Variants in SYNJ2 observed in about 807,000 individuals in gnomAD.
SYNJ2 encodes the protein polyphosphatidylinositol phosphatase SYNJ2.
Under a neutral mutation model 141.3 loss-of-function variants are expected in SYNJ2, and 116 were observed. That is an observed-to-expected ratio of 0.82 (90% CI 0.71 to 0.96). The LOEUF (loss-of-function observed/expected upper bound fraction) is 0.96, where lower values mean the gene tolerates loss of function less well. Ranked by LOEUF, SYNJ2 falls within the 40% of genes least tolerant of loss-of-function variation. SYNJ2 has a pLI of 0.00. For synonymous variants in SYNJ2, 745 were observed against 777.7 expected (o/e 0.96, Z 0.70); for missense variants, 1,873 against 1,934.8 (o/e 0.97, Z 0.60).
chr6:158,036,481 T>A (rs951018442), intron 4 of SYNJ2, among the ~76,000 whole-genome samples: 2 of 152,200 alleles, frequency 1.3e-5, no homozygotes, highest in African/African-American at 4.8e-5. Flanking sequence ...CGGATGCAGC[T>A]GGAGGCCATT....
At chr6:158,034,684 A>C (rs1304511924) in intron 4 of SYNJ2, among the ~76,000 whole-genome samples, 1 of 152,242 alleles carries the variant, frequency 6.6e-6, no homozygotes, top group Non-Finnish European at 1.5e-5. Flanking sequence ...GTGGATATCA[A>C]CGAGGCTATT....
intron 18 of SYNJ2, 71 bp downstream of exon 18, chr6:158,078,352 T>G (rs1782457071): frequency 9.9e-7 from 1 of 1,007,094 alleles, no homozygotes. Context: ...CGCAGGAAAA[T>G]GCATGCTGTC....
chr6:157,992,294 T>C (rs1777470724), intron 1 of SYNJ2, among the ~76,000 whole-genome samples: 1 of 152,020 alleles, frequency 6.6e-6, no homozygotes, highest in South Asian at 2.1e-4. Flanking sequence ...TCCTAGCCTC[T>C]GGTAACCATC....
At position 158,054,166 on chromosome 6, in the gene SYNJ2, T is replaced by TATCCATCC. The variant is rs762905014; in HGVS notation, c.796-779_796-772dup. 1.3e-4 allele frequency among the ~76,000 whole-genome samples: 17 copies of TATCCATCC among 134,028 alleles called. No homozygotes were observed. The South Asian group carries it at 2.5e-3, about 19-fold the overall frequency. 87.9% of individuals were successfully genotyped at this position (134,028 alleles called of 152,430 possible). ...CCACCCATCTATCCATCCACTCAGC[T>TATCCATCC]ATCCATCCATCCATCCATCCATCCA... On this transcript the variant is annotated intron_variant, in intron 5 of 26. Coordinates refer to ENST00000355585, the MANE Select transcript of SYNJ2 (RefSeq NM_003898.4).
intron 4 of SYNJ2, among the ~76,000 whole-genome samples, chr6:158,033,920 G>A (rs990916356): frequency 3.9e-5 from 6 of 152,330 alleles, no homozygotes; most frequent in Non-Finnish European, 7.3e-5. Context: ...CTGCTTAGCC[G>A]AGGTATTTTT....
rs1017346653 is a variant in SYNJ2, at chr6:158,027,333, G to C, written c.215-1423G>C. ...CCTTCAGACCTCAGCGGGGTGGGAAGAGTGTCCTTGGGACTAGAGCCCTGC... is the reference window on the plus strand; with the variant it reads ...CCTTCAGACCTCAGCGGGGTGGGAACAGTGTCCTTGGGACTAGAGCCCTGC... On this transcript the variant is annotated intron_variant, in intron 2 of 26. Coordinates refer to ENST00000355585, the MANE Select transcript of SYNJ2 (RefSeq NM_003898.4). The surrounding 1 kb of genome is among the most constrained non-coding windows in gnomAD (Gnocchi z 4.6). The C allele has an allele frequency of 6.2e-6, 3 of 487,162 alleles. No individual in the cohort carries two copies. In the African/African-American group the frequency reaches 6.3e-5, roughly 10 times the overall value. The allele number at this position is 487,162 out of a possible 1,614,324, so 30.2% of individuals were successfully genotyped here. A position where few individuals can be genotyped will look rare whatever the true frequency, so the allele number is the denominator to read the frequency against.
At chr6:158,059,600 G>A in intron 7 of SYNJ2, 1 of 1,188,278 alleles carries the variant, frequency 8.4e-7, no homozygotes, top group South Asian at 1.9e-5. Context: ...TGTCGCTCAG[G>A]CTGGAGTGCA....
Position 158,092,971 on chromosome 6 carries a change from A to G in SYNJ2, c.3611A>G (p.Glu1204Gly). The G allele has an allele frequency of 6.2e-7, 1 of 1,611,134 alleles. No individual in the cohort carries two copies. The highest frequency in any genetic ancestry group is 8.5e-7 in the Non-Finnish European group (1 of 1,179,298). The change falls in exon 26 of 27, where the codon GAA becomes GGA. Residue 1204 changes from glutamate (E) to glycine (G), a missense_variant. By Grantham distance (98) the Glu-to-Gly change is moderately conservative. Coordinates refer to ENST00000355585, the MANE Select transcript of SYNJ2 (RefSeq NM_003898.4). ...AGTGCCGTGGCCCCAAGGGACCTTG[A>G]AGCATCCTCTGAACCAGAGCCCACA... is the stretch of plus-strand genomic sequence containing the variant. The part of the protein sequence containing the change: ...ALSAVAPRDL[E>G]ASSEPEPTPG...
chr6:158,073,975 G>A (rs1033007875), intron 15 of SYNJ2, among the ~76,000 whole-genome samples: 3 of 151,832 alleles, frequency 2.0e-5, no homozygotes, highest in East Asian at 1.9e-4. Flanking sequence ...CAGCCCTTGC[G>A]GACAGTTGAT....
chr6:158,068,823 C>T, intron 13 of SYNJ2, 95 bp downstream of exon 13: 2 of 1,373,094 alleles, frequency 1.5e-6, no homozygotes, highest in Non-Finnish European at 2.1e-6. Context: ...AGCCAGCCTG[C>T]TTCTGAGCCA....
intron 6 of SYNJ2, among the ~76,000 whole-genome samples, chr6:158,057,410 C>A (rs1780934779): frequency 1.3e-5 from 2 of 152,096 alleles, no homozygotes; most frequent in Non-Finnish European, 2.9e-5. Context: ...GAGCATTTTA[C>A]AATAAAGGGA....
intron 1 of SYNJ2, among the ~76,000 whole-genome samples, chr6:157,990,110 T>C (rs1297644778): frequency 6.6e-6 from 1 of 152,188 alleles, no homozygotes; most frequent in East Asian, 1.9e-4. Flanking sequence ...AGCCTCCTGG[T>C]TGAAAAGGTG....
chr6:158,062,821 T>C (rs1781305356), intron 8 of SYNJ2, among the ~76,000 whole-genome samples: 1 of 152,202 alleles, frequency 6.6e-6, no homozygotes, highest in African/African-American at 2.4e-5. Context: ...TTTAGTACCA[T>C]GTTTTTCACA....
intron 6 of SYNJ2, among the ~76,000 whole-genome samples, chr6:158,057,536 A>G (rs1462620643): frequency 6.6e-6 from 1 of 152,236 alleles, no homozygotes; most frequent in Non-Finnish European, 1.5e-5. Context: ...TTATAGATGA[A>G]GGAGCCAGCT....
chr6:158,000,117 A>C (rs1777788127), intron 1 of SYNJ2, among the ~76,000 whole-genome samples: 1 of 127,782 alleles, frequency 7.8e-6, no homozygotes, highest in African/African-American at 2.9e-5. Context: ...GCAGGAGCTA[A>C]TTCTAGGTAC....
rs1339248614 is a variant in SYNJ2 at position 158,057,786 on chromosome 6, G to A, written c.858-1471G>A. Among the ~76,000 whole-genome samples the A allele has an allele frequency of 2.6e-5, 4 of 152,198 alleles. No individual in the cohort carries two copies. The East Asian group carries it at 7.7e-4, about 29-fold the overall frequency. ...GCCACGGTGGGCTCCCTCACCAGGGGCAGAGCCTGCACGTGTCAGAGCCAG... is the reference window on the plus strand; with the variant it reads ...GCCACGGTGGGCTCCCTCACCAGGGACAGAGCCTGCACGTGTCAGAGCCAG... On this transcript the variant is annotated intron_variant, in intron 6 of 26. Transcript: ENST00000355585.
chr6:158,030,897 A>T (rs1371909140), intron 3 of SYNJ2: 2 of 152,238 alleles, frequency 1.3e-5, no homozygotes, highest in Non-Finnish European at 2.9e-5. Flanking sequence ...TCTGTCTCAA[A>T]ATAAATAAAT....
At chr6:158,090,308 C>T (rs1783351846) in intron 25 of SYNJ2, among the ~76,000 whole-genome samples, 1 of 152,184 alleles carries the variant, frequency 6.6e-6, no homozygotes, top group Non-Finnish European at 1.5e-5. Context: ...ATTTCAGGCA[C>T]AAAATCTACC....
At chr6:158,022,507 A>T (rs1778832229) in intron 2 of SYNJ2, among the ~76,000 whole-genome samples, 1 of 152,166 alleles carries the variant, frequency 6.6e-6, no homozygotes, top group South Asian at 2.1e-4. Flanking sequence ...TGACCCATGC[A>T]TGGCTTTGCT....
Sources: gnomAD v4.1 joint callset for allele counts (sites outside exome capture counted in the v4.1 genomes callset) on GRCh38, gnomAD v4.1.1 for gene constraint, Gnocchi (gnomAD v3.1) non-coding constraint, MANE v1.5 for transcripts, NCBI Gene and HGNC (gene_info 2026-07-23, HGNC 2026-07-21) for gene names.